MRPL18: variants seen among roughly 807,000 people sequenced by gnomAD.
MRPL18 encodes large ribosomal subunit protein uL18m.
In MRPL18, 16 loss-of-function variants were observed where a neutral mutation model predicts 20.9. That is an observed-to-expected ratio of 0.76 (90% CI 0.52 to 1.16). The LOEUF is 1.16. MRPL18 is among the 50% of genes most tolerant of loss of function. The pLI is 0.00. For missense variants in MRPL18, 233 were observed against 230.6 expected (o/e 1.01, Z -0.07); for synonymous variants, 91 against 87.1 (o/e 1.04, Z -0.25).
chr6:159,789,905 A>G, upstream of MRPL18: 1 of 201,504 alleles, frequency 5.0e-6, no homozygotes, highest in Non-Finnish European at 1.0e-5. Flanking sequence ...AGAAGGGTGG[A>G]GCTTGGAGCT....
At chr6:159,794,314 A>G (rs1036117406) in intron 2 of MRPL18, among the ~76,000 whole-genome samples, 1 of 152,206 alleles carries the variant, frequency 6.6e-6, no homozygotes, top group Non-Finnish European at 1.5e-5. Context: ...AGACACTGGG[A>G]CTTAAACCAT....
intron 2 of MRPL18, 81 bp from the exon 3 acceptor site, chr6:159,797,202 ATATT>A (rs1393949609): frequency 8.7e-6 from 11 of 1,265,908 alleles, no homozygotes; most frequent in Non-Finnish European, 1.2e-5. Flanking sequence ...TTGTTGAAAA[ATATT>A]TAGTCATTTA....
chr6:159,792,906 C>T (rs927452336), intron 2 of MRPL18, among the ~76,000 whole-genome samples: 3 of 152,180 alleles, frequency 2.0e-5, no homozygotes, highest in African/African-American at 2.4e-5. Context: ...CAGGCTCAAA[C>T]GATTCTCCCA....
Position 159,797,346 on chromosome 6 carries a change from A to G in MRPL18, c.299A>G (p.Lys100Arg). ...GCACTTGTGGAGCATCAGAATGGCA[A>G]GGTTGTGGTTTCGGCCTCCACTCGT... ...VEALVEHQNG[K>R]VVVSASTREW... Residue 100 changes from lysine to arginine, a missense_variant, in exon 3 of 4, where the codon AAG (lysine) becomes AGG (arginine). Lys to Arg is a conservative substitution (Grantham distance 26). Coordinates refer to ENST00000367034, the MANE Select transcript of MRPL18 (RefSeq NM_014161.5). 1.2e-6 allele frequency: 2 copies of G among 1,614,188 alleles called. No individual in the cohort carries two copies. Among genetic ancestry groups the G allele is most frequent in the Non-Finnish European group, 1.7e-6 (2 of 1,180,042 alleles).
rs748243196 is a variant in MRPL18 at position 159,790,998 on chromosome 6, C to T, written c.111C>T (p.Asp37=). 1 of 1,614,190 alleles carries T rather than the reference C, an allele frequency of 6.2e-7. No homozygotes were observed. The highest frequency in any genetic ancestry group is 8.5e-7 in the Non-Finnish European group (1 of 1,180,028). ...AGCCGGCAGCGAAACCTGAAGTGGACCCTGTGGAAAATGAAGCTGTCGCCC... is the reference window on the plus strand; with the variant it reads ...AGCCGGCAGCGAAACCTGAAGTGGATCCTGTGGAAAATGAAGCTGTCGCCC... The part of the protein sequence containing the change: ...SSEPAAKPEV[D]PVENEAVAPE... Residue 37 remains aspartate (D), a synonymous_variant, in exon 2 of 4, where the codon GAC becomes GAT. Coordinates refer to ENST00000367034, the MANE Select transcript of MRPL18 (RefSeq NM_014161.5).
At chr6:159,790,245 C>G (rs2115002607), upstream of MRPL18, among the ~76,000 whole-genome samples, 1 of 152,272 alleles carries the variant, frequency 6.6e-6, no homozygotes, top group East Asian at 1.9e-4. Flanking sequence ...CCCAAGCTCT[C>G]CGAGTAGAAA....
intron 2 of MRPL18, among the ~76,000 whole-genome samples, 156 bp downstream of exon 2, chr6:159,791,282 G>C (rs1204034157): frequency 6.6e-6 from 1 of 152,212 alleles, no homozygotes; most frequent in African/African-American, 2.4e-5. Flanking sequence ...TGTGATGGGG[G>C]CTATTTAAAG....
chr6:159,790,239 A>C (rs577304524), upstream of MRPL18, among the ~76,000 whole-genome samples: 1 of 152,264 alleles, frequency 6.6e-6, no homozygotes, highest in South Asian at 2.1e-4. Context: ...TGACCGCCCA[A>C]GCTCTCCGAG....
At chr6:159,792,173 A>T (rs1438596455) in intron 2 of MRPL18, among the ~76,000 whole-genome samples, 1 of 152,216 alleles carries the variant, frequency 6.6e-6, no homozygotes, top group East Asian at 1.9e-4. Context: ...CAGAGCTAAG[A>T]TTTACATATG....
chr6:159,798,041 T>A lies in MRPL18; in HGVS notation c.472-11T>A. On this transcript the variant is annotated splice_polypyrimidine_tract_variant and intron_variant, in intron 3 of 3. Coordinates refer to ENST00000367034, the MANE Select transcript of MRPL18 (RefSeq NM_014161.5). ...TAATCTTTTCCTTTTTTTTCTGATT[T>A]TCAAAACCAGATGAAACGACTACAA... 6.2e-7 allele frequency: 1 copy of A among 1,612,110 alleles called. No homozygotes were observed. Among genetic ancestry groups the A allele is most frequent in the Non-Finnish European group, 8.5e-7 (1 of 1,179,154 alleles).
In MRPL18 at chr6:159,798,082, G is replaced by A. The variant is rs1781084333; in HGVS notation, c.502G>A (p.Gly168Ser). Residue 168 changes from glycine (G) to serine (S), a missense_variant, in exon 4 of 4, where the codon GGT (glycine) becomes AGT (serine). Gly to Ser is a moderately conservative substitution (Grantham distance 56). Transcript: ENST00000367034. Reference sequence around the variant, plus strand: ...ACGACTACAAAGTGCCATGACAGAAGGTGGTGTGGTTCTACGGGAACCTCA... The same window carrying A: ...ACGACTACAAAGTGCCATGACAGAAAGTGGTGTGGTTCTACGGGAACCTCA... ...MKRLQSAMTEGGVVLREPQRI... is the reference protein window; with the variant it reads ...MKRLQSAMTESGVVLREPQRI... The A allele has an allele frequency of 6.2e-7, 1 of 1,613,696 alleles. No individual in the cohort carries two copies. The highest frequency in any genetic ancestry group is 1.1e-5 in the South Asian group (1 of 91,028).
intron 2 of MRPL18, among the ~76,000 whole-genome samples, chr6:159,793,462 T>C (rs987176775): frequency 6.6e-6 from 1 of 152,228 alleles, no homozygotes; most frequent in Non-Finnish European, 1.5e-5. Flanking sequence ...AACCTAGCTG[T>C]ACCTACTCTC....
chr6:159,790,409 T>C (rs16890798), upstream of MRPL18: 166,972 of 729,440 alleles, frequency 0.23, 20,110 homozygotes, highest in East Asian at 0.38. Context: ...ACAGATCGCC[T>C]TCTCGGCCAC....
intron 2 of MRPL18, 57 bp from the exon 3 acceptor site, chr6:159,797,230 A>G: frequency 2.0e-6 from 3 of 1,465,730 alleles, no homozygotes; most frequent in Non-Finnish European, 2.9e-6. Flanking sequence ...ACCTCAATTA[A>G]TGTAACTTTA....
chr6:159,790,632 G>A lies in MRPL18; in HGVS notation c.45G>A (p.Arg15=). The stretch of plus-strand genomic sequence containing the variant: ...TTTGGGGGTTGTTCTCGGTTTGCAG[G>A]AACCCTGGTAATTAGTCTTGCCCCC... ...SRFWGLFSVC[R]NPGCRFAALS... is the part of the protein sequence containing the mutation. Residue 15 remains arginine, a synonymous_variant, in exon 1 of 4, where the codon AGG becomes AGA. Transcript: ENST00000367034. The A allele has an allele frequency of 1.2e-6, 2 of 1,614,048 alleles. No individual in the cohort carries two copies. Among genetic ancestry groups the A allele is most frequent in the Non-Finnish European group, 8.5e-7 (1 of 1,179,998 alleles).
intron 3 of MRPL18, 131 bp from the exon 4 acceptor site, chr6:159,797,921 A>G: frequency 2.8e-6 from 2 of 726,178 alleles, no homozygotes; most frequent in Non-Finnish European, 2.2e-6. Flanking sequence ...ACTTTCTGAA[A>G]AACCGTTGTA....
rs558068389 is a variant in MRPL18 at position 159,798,243 on chromosome 6, G to A, written c.*120G>A. 1.2e-5 allele frequency: 9 copies of A among 749,864 alleles called. 1 individual carries two copies. In the South Asian group the frequency reaches 1.3e-4, roughly 11 times the overall value. The allele number at this position is 749,864 out of a possible 1,614,324, so 46.5% of individuals were successfully genotyped here. A position where few individuals can be genotyped will look rare whatever the true frequency, so the allele number is the denominator to read the frequency against. ...GTTTTACAGCAATAATGTTGCAGTGGAATATTATTTGTAGTTAAGGTCATC... is the reference window on the plus strand; with the variant it reads ...GTTTTACAGCAATAATGTTGCAGTGAAATATTATTTGTAGTTAAGGTCATC... On this transcript the variant is annotated 3_prime_UTR_variant, in exon 4 of 4. Transcript: ENST00000367034.
chr6:159,791,769 G>A (rs1159177724), intron 2 of MRPL18, among the ~76,000 whole-genome samples: 1 of 152,156 alleles, frequency 6.6e-6, no homozygotes, highest in Non-Finnish European at 1.5e-5. Context: ...GAGGGGCGTG[G>A]TGGTGCACGC....
chr6:159,795,991 C>T (rs896476185), intron 2 of MRPL18, among the ~76,000 whole-genome samples: 2 of 152,044 alleles, frequency 1.3e-5, no homozygotes, highest in Admixed American at 1.3e-4. Flanking sequence ...CACTGTGTTG[C>T]CTGGGCTGGT....
Sources: gnomAD v4.1 joint callset for allele counts (sites outside exome capture counted in the v4.1 genomes callset) on GRCh38, gnomAD v4.1.1 for gene constraint, MANE v1.5 for transcripts, NCBI Gene and HGNC (gene_info 2026-07-23, HGNC 2026-07-21) for gene names.